Variants in DISP3 observed in about 807,000 individuals in gnomAD.
The protein encoded by DISP3 is protein dispatched homolog 3.
Under a neutral mutation model 135.3 loss-of-function variants are expected in DISP3, and 101 were observed. The ratio of observed to expected loss-of-function variants is 0.75; its 90% CI spans 0.64 to 0.88. The LOEUF (loss-of-function observed/expected upper bound fraction) is 0.88. DISP3 is among the 40% of genes least tolerant of loss of function. The probability of loss-of-function intolerance (pLI) is 0.00; values close to 1 mark genes in which losing one functional copy is unlikely to be tolerated. For missense variants in DISP3, 1,713 were observed against 1,878.6 expected (o/e 0.91, Z 1.63); for synonymous variants, 856 against 817.0 (o/e 1.05, Z -0.81).
At chr1:11,518,249 G>A (rs1642068345) in intron 7 of DISP3, among the ~76,000 whole-genome samples, 1 of 152,218 alleles carries the variant, frequency 6.6e-6, no homozygotes, top group Non-Finnish European at 1.5e-5. Context: ...GGTCAGTCGT[G>A]TTCAGGGACC....
chr1:11,526,905 T>C (rs1642437214), intron 13 of DISP3, 70 bp downstream of exon 13: 1 of 1,501,988 alleles, frequency 6.7e-7, no homozygotes, highest in Non-Finnish European at 8.9e-7. Context: ...CTCTCTTTTC[T>C]CTCTCTTTTC....
chr1:11,517,575 C>T lies in DISP3; in HGVS notation c.1862C>T (p.Ala621Val), dbSNP rs1453355880. 3.7e-6 allele frequency: 6 copies of T among 1,614,052 alleles called. No individual in the cohort carries two copies. In the East Asian group the frequency reaches 1.3e-4, roughly 36 times the overall value. Residue 621 changes from alanine (A) to valine (V), a missense_variant, in exon 7 of 21, where the codon GCA becomes GTA. Coordinates refer to ENST00000294484, the MANE Select transcript of DISP3 (RefSeq NM_020780.2). ...CTGGGCCTCTGGAGCCTCTACCTGGCACCACTGGAGAGCTCCTGCCAGACC... is the reference window on the plus strand; with the variant it reads ...CTGGGCCTCTGGAGCCTCTACCTGGTACCACTGGAGAGCTCCTGCCAGACC... Reference protein sequence around the residue: ...AALGLWSLYLAPLESSCQTSC... With the variant: ...AALGLWSLYLVPLESSCQTSC...
rs1414658928 is a variant in DISP3 at position 11,526,924 on chromosome 1, G to A, written c.2798+89G>A. 9.4e-5 allele frequency: 132 copies of A among 1,410,226 alleles called. 2 individuals carry two copies. The highest frequency in any genetic ancestry group is 1.2e-4 in the Non-Finnish European group (131 of 1,063,082). 87.4% of individuals were successfully genotyped at this position (1,410,226 alleles called of 1,614,324 possible). On this transcript the variant is annotated intron_variant, in intron 13 of 20. Coordinates refer to ENST00000294484, the MANE Select transcript of DISP3 (RefSeq NM_020780.2). The stretch of plus-strand genomic sequence containing the variant: ...CTTTTCTCTCTCTTTTCACATGAGG[G>A]ATGCCAGCAGGCCCCCTCACTTTTT...
intron 15 of DISP3, among the ~76,000 whole-genome samples, chr1:11,530,294 C>T (rs1031669351): frequency 1.3e-5 from 2 of 152,252 alleles, no homozygotes; most frequent in African/African-American, 2.4e-5. Flanking sequence ...GTGGCTTTCT[C>T]TCTGAGGCCT....
intron 3 of DISP3, among the ~76,000 whole-genome samples, chr1:11,504,143 A>G (rs1055572252): frequency 3.3e-5 from 5 of 152,210 alleles, no homozygotes; most frequent in Non-Finnish European, 5.9e-5. Context: ...GCTAATGTTT[A>G]TTGAGCACTT....
chr1:11,502,089 G>GTGAGCCGCCGGGA lies in DISP3; in HGVS notation c.1096+4_1096+16dup. 6.5e-7 allele frequency: 1 copy of GTGAGCCGCCGGGA among 1,544,642 alleles called. No individual in the cohort carries two copies. On this transcript the variant is annotated splice_donor_variant, in intron 2 of 20. Transcript: ENST00000294484. LOFTEE classifies it high-confidence loss of function. ...GGCCAGGACCTGGCGGACATCCGGG[G>GTGAGCCGCCGGGA]TGAGCCGCCGGGATGCTGGGAGGGG...
At chr1:11,480,313 C>A (rs1640862533) in intron 1 of DISP3, among the ~76,000 whole-genome samples, 1 of 152,168 alleles carries the variant, frequency 6.6e-6, no homozygotes, top group Non-Finnish European at 1.5e-5. Context: ...CCCGCGCACA[C>A]CCACAGTCCA....
intron 1 of DISP3, among the ~76,000 whole-genome samples, chr1:11,480,016 G>A (rs549735279): frequency 6.6e-6 from 1 of 152,318 alleles, no homozygotes; most frequent in South Asian, 2.1e-4. Flanking sequence ...TGGGCAGCCG[G>A]GCAGTGGCGG....
intron 2 of DISP3, 87 bp from the exon 3 acceptor site, chr1:11,502,591 G>A: frequency 2.8e-6 from 3 of 1,055,256 alleles, no homozygotes; most frequent in South Asian, 1.6e-5. Context: ...TGGGAGGCAG[G>A]GCTGCAATGA....
In DISP3 at chr1:11,531,320, C is replaced by T. The variant is rs557810863; in HGVS notation, c.3230-245C>T. 1.9e-3 allele frequency among the ~76,000 whole-genome samples: 287 copies of T among 152,110 alleles called. No individual in the cohort carries two copies. The highest frequency in any genetic ancestry group is 3.0e-3 in the Non-Finnish European group (203 of 67,962). ...GAGTAGCTTTTCCAAAATTAGGGGG[C>T]GGGGCCAGGGGCTGGCCCCACAGCC... On this transcript the variant is annotated intron_variant, in intron 16 of 20. Coordinates refer to ENST00000294484, the MANE Select transcript of DISP3 (RefSeq NM_020780.2). The surrounding 1 kb of genome is among the most constrained non-coding windows in gnomAD (Gnocchi z 5.2).
chr1:11,507,613 C>T (rs1443862434), intron 3 of DISP3, among the ~76,000 whole-genome samples: 1 of 152,206 alleles, frequency 6.6e-6, no homozygotes, highest in Admixed American at 6.5e-5. Flanking sequence ...CAAATGCCTC[C>T]AGGGTAAAAA....
intron 15 of DISP3, 45 bp from the exon 16 acceptor site, chr1:11,530,862 C>G (rs2244397): frequency 2.5e-6 from 4 of 1,608,710 alleles, no homozygotes; most frequent in Non-Finnish European, 1.7e-6. Flanking sequence ...ACTGAGTCCC[C>G]GTCTCACTGA....
chr1:11,529,413 G>C lies in DISP3; in HGVS notation c.2799-143G>C. ...GCACATCCCCCAGCCCTCAACCTGA[G>C]AACAAATCCCCATGCCGGGGCAGAG... On this transcript the variant is annotated intron_variant, in intron 13 of 20. Transcript: ENST00000294484. This position sits in a 1 kb window ranked among gnomAD's most constrained non-coding sequence, Gnocchi z 4.7. 9.6e-7 allele frequency: 1 copy of C among 1,042,176 alleles called. No individual in the cohort carries two copies. The highest frequency in any genetic ancestry group is 1.4e-6 in the Non-Finnish European group (1 of 717,780). 64.6% of individuals were successfully genotyped at this position (1,042,176 alleles called of 1,614,324 possible).
chr1:11,501,770 C>G lies in DISP3; in HGVS notation c.778C>G (p.Arg260Gly), dbSNP rs757504780. The change falls in exon 2 of 21, where the codon CGC becomes GGC. Residue 260 changes from arginine (R) to glycine (G), a missense_variant. Physicochemically the swap from Arg to Gly is moderately radical, Grantham distance 125. Transcript: ENST00000294484. The surrounding 1 kb of genome is among the most constrained non-coding windows in gnomAD (Gnocchi z 4.9). ...RRGASRWDYS[R>G]AYVSANTQTH... is the part of the protein sequence containing the mutation. ...AGGCGCCTCGCGCTGGGACTACTCG[C>G]GCGCCTATGTGAGTGCCAACACTCA... The G allele has an allele frequency of 3.1e-6, 5 of 1,593,976 alleles. No homozygotes were observed. The East Asian group carries it at 1.1e-4, about 36-fold the overall frequency.
intron 2 of DISP3, among the ~76,000 whole-genome samples, chr1:11,502,349 C>T (rs559821573): frequency 1.1e-4 from 16 of 152,218 alleles, no homozygotes; most frequent in African/African-American, 3.9e-4. Context: ...GTAGAGAAAT[C>T]GTGGGGTGGG....
At chr1:11,526,629 T>C in intron 12 of DISP3, 22 bp from the exon 13 acceptor site, 1 of 1,601,408 alleles carries the variant, frequency 6.2e-7, no homozygotes, top group Non-Finnish European at 8.6e-7. Flanking sequence ...ATGTGTCTTG[T>C]CTCTGTCAAC....
At chr1:11,514,691 T>C (rs186748074) in intron 4 of DISP3, among the ~76,000 whole-genome samples, 165 bp downstream of exon 4, 1 of 152,354 alleles carries the variant, frequency 6.6e-6, no homozygotes, top group Non-Finnish European at 1.5e-5. Flanking sequence ...ACAGGCAGAC[T>C]GAGGCCTGGA....
rs375310868 is a variant in DISP3, at chr1:11,514,373, G to A, written c.1317-17G>A. ...CTCTTCCTGTCATTCTTTTCTCCACGTCCTCCCTTCCCCCAGCAAAGTCCA... is the reference window on the plus strand; with the variant it reads ...CTCTTCCTGTCATTCTTTTCTCCACATCCTCCCTTCCCCCAGCAAAGTCCA... On this transcript the variant is annotated splice_polypyrimidine_tract_variant and intron_variant, in intron 3 of 20. Transcript: ENST00000294484. 7 of 1,600,228 alleles carry A rather than the reference G, an allele frequency of 4.4e-6. No homozygotes were observed. Among genetic ancestry groups the A allele is most frequent in the Middle Eastern group, 1.6e-4 (1 of 6,066 alleles).
chr1:11,500,209 C>T (rs1641463075), intron 1 of DISP3, among the ~76,000 whole-genome samples: 1 of 152,198 alleles, frequency 6.6e-6, no homozygotes, highest in Non-Finnish European at 1.5e-5. Flanking sequence ...GCTGCAGCAC[C>T]CCATAGAAGG....
Sources: gnomAD v4.1 joint callset for allele counts (sites outside exome capture counted in the v4.1 genomes callset) on GRCh38, gnomAD v4.1.1 for gene constraint, Gnocchi (gnomAD v3.1) non-coding constraint, MANE v1.5 for transcripts, NCBI Gene and HGNC (gene_info 2026-07-23, HGNC 2026-07-21) for gene names.